The following PRTG variants were observed in gnomAD, a reference collection of about 807,000 sequenced individuals.
PRTG encodes immunoglobulin superfamily, DCC subclass, member 5.
Under a neutral mutation model 122.5 loss-of-function variants are expected in PRTG, and 67 were observed. The observed-to-expected ratio is 0.55, with a 90% CI of 0.45 to 0.67. The LOEUF (loss-of-function observed/expected upper bound fraction) is 0.67. Among genes scored for constraint, PRTG ranks in the 30% least tolerant of loss-of-function variants. The pLI is 0.00. For missense variants in PRTG, 1,435 were observed against 1,415.4 expected (o/e 1.01, Z -0.22); for synonymous variants, 554 against 501.1 (o/e 1.11, Z -1.41).
Position 55,724,601 on chromosome 15 carries a change from G to T in PRTG, c.397+15781C>A, listed in dbSNP as rs116395034. ...CCCTGTCTCTACTTAAAAAAAAAAA[G>T]TACAAAAGTTAGCCAGGTGTGGTGG... On this transcript the variant is annotated intron_variant, in intron 2 of 19. Coordinates refer to ENST00000389286, the MANE Select transcript of PRTG (RefSeq NM_173814.6). Among the ~76,000 whole-genome samples, 878 of 151,324 alleles carry T rather than the reference G, an allele frequency of 5.8e-3. 11 individuals are homozygous for T. The highest frequency in any genetic ancestry group is 0.02 in the African/African-American group (830 of 41,290).
intron 11 of PRTG, among the ~76,000 whole-genome samples, chr15:55,642,569 G>C (rs2059298060): frequency 7.4e-6 from 1 of 135,316 alleles, no homozygotes; most frequent in South Asian, 2.3e-4. Flanking sequence ...CTGCACTCCA[G>C]CCTGGGTAAC....
chr15:55,631,612 T>C (rs2059227962), intron 15 of PRTG, among the ~76,000 whole-genome samples: 1 of 152,338 alleles, frequency 6.6e-6, no homozygotes, highest in Non-Finnish European at 1.5e-5. Flanking sequence ...TTAGTGTGAT[T>C]ATTTCCGTCT....
At chr15:55,703,892 ATC>A (rs1293488078) in intron 2 of PRTG, among the ~76,000 whole-genome samples, 4 of 152,228 alleles carry the variant, frequency 2.6e-5, no homozygotes, top group Non-Finnish European at 5.9e-5. Flanking sequence ...TTCTCAAATT[ATC>A]TGTCTTCCCA....
At chr15:55,717,510 A>C (rs2030643519) in intron 2 of PRTG, among the ~76,000 whole-genome samples, 1 of 152,200 alleles carries the variant, frequency 6.6e-6, no homozygotes, top group Non-Finnish European at 1.5e-5. Flanking sequence ...CAAAGAAAGA[A>C]AGTTATGACC....
intron 9 of PRTG, among the ~76,000 whole-genome samples, 175 bp downstream of exon 9, chr15:55,675,344 G>A (rs2059496377): frequency 2.6e-5 from 4 of 152,082 alleles, no homozygotes; most frequent in Admixed American, 2.6e-4. Flanking sequence ...TTCTGAAAGT[G>A]CTCTTTATCC....
intron 11 of PRTG, among the ~76,000 whole-genome samples, chr15:55,660,915 T>G (rs747503199): frequency 6.6e-6 from 1 of 152,186 alleles, no homozygotes; most frequent in Non-Finnish European, 1.5e-5. Flanking sequence ...TTACGAAAAT[T>G]TCTTCAAAGG....
chr15:55,612,034 T>C lies in PRTG; in HGVS notation c.*7978A>G, dbSNP rs978719604. 1 of 151,648 alleles carries C rather than the reference T, an allele frequency of 6.6e-6. No individual in the cohort carries two copies. The highest frequency in any genetic ancestry group is 6.6e-5 in the Admixed American group (1 of 15,242). The allele number at this position is 151,648 out of a possible 1,614,324, so 9.4% of individuals were successfully genotyped here. ...GAAGAAAATAGAAAAAAAAAAATCA[T>C]ACACACAGACATAAAATTTTGTCCA... On this transcript the variant is annotated 3_prime_UTR_variant, in exon 20 of 20. Transcript: ENST00000389286.
intron 11 of PRTG, among the ~76,000 whole-genome samples, chr15:55,665,455 G>C (rs2059433977): frequency 6.6e-6 from 1 of 150,690 alleles, no homozygotes; most frequent in African/African-American, 2.4e-5. Context: ...CTAAATTCTA[G>C]TAATGTGGCC....
chr15:55,624,527 AG>A lies in PRTG; in HGVS notation c.2928-21del. The A allele has an allele frequency of 1.2e-6, 2 of 1,600,124 alleles. No individual in the cohort carries two copies. Among genetic ancestry groups the A allele is most frequent in the South Asian group, 2.3e-5 (2 of 87,620 alleles). ...GATTTCCTAAAACATTGGCAAGAAG[AG>A]GAAGTCTTCTAATTTCATAGAAGAT... On this transcript the variant is annotated intron_variant, in intron 17 of 19. Coordinates refer to ENST00000389286, the MANE Select transcript of PRTG (RefSeq NM_173814.6).
chr15:55,620,709 T>C lies in PRTG; in HGVS notation c.3152A>G (p.Lys1051Arg), dbSNP rs1388163547. Reference sequence around the variant, plus strand: ...TGAGTCTTGGAAAAAAAACCACTTTTTCTTAGAGTTGTTTTTAATTATAGG... The same window carrying C: ...TGAGTCTTGGAAAAAAAACCACTTTCTCTTAGAGTTGTTTTTAATTATAGG... ...YGPIIKNNSK[K>R]KWFFFQDSKK... The change falls in exon 19 of 20, where the codon AAA (lysine) becomes AGA (arginine). Residue 1051 changes from lysine (K) to arginine (R), a missense_variant. By Grantham distance (26) the Lys-to-Arg change is conservative (BLOSUM62 2). Transcript: ENST00000389286. The C allele has an allele frequency of 6.2e-7, 1 of 1,603,278 alleles. No individual in the cohort carries two copies. Among genetic ancestry groups the C allele is most frequent in the Non-Finnish European group, 8.5e-7 (1 of 1,177,636 alleles).
chr15:55,729,496 C>G (rs1473162039), intron 2 of PRTG, among the ~76,000 whole-genome samples: 5 of 151,978 alleles, frequency 3.3e-5, no homozygotes, highest in African/African-American at 9.7e-5. Flanking sequence ...TCCAGGTGCA[C>G]TGGCACACAC....
Position 55,619,873 on chromosome 15 carries a change from A to G in PRTG, c.*139T>C. 1 of 1,440,016 alleles carries G rather than the reference A, an allele frequency of 6.9e-7. No homozygotes were observed. The highest frequency in any genetic ancestry group is 1.4e-5 in the South Asian group (1 of 70,746). The allele number at this position is 1,440,016 out of a possible 1,614,324, so 89.2% of individuals were successfully genotyped here. A position where few individuals can be genotyped will look rare whatever the true frequency, so the allele number is the denominator to read the frequency against. On this transcript the variant is annotated 3_prime_UTR_variant, in exon 20 of 20. Transcript: ENST00000389286. Reference sequence around the variant, plus strand: ...TGAGCATGGCCGTCTAGATTGGAAAATCATTTTTATCAAAGCATAGCATGG... The same window carrying G: ...TGAGCATGGCCGTCTAGATTGGAAAGTCATTTTTATCAAAGCATAGCATGG...
In PRTG at chr15:55,620,049, A is replaced by G. The variant is rs761814079; in HGVS notation, c.3416T>C (p.Leu1139Pro). The G allele has an allele frequency of 6.2e-7, 1 of 1,614,202 alleles. No individual in the cohort carries two copies. The highest frequency in any genetic ancestry group is 1.1e-5 in the South Asian group (1 of 91,076). The change falls in exon 20 of 20, where the codon CTG becomes CCG. Residue 1139 changes from leucine to proline, a missense_variant. Leu to Pro is a moderately conservative substitution (Grantham distance 98, BLOSUM62 -3). Coordinates refer to ENST00000389286, the MANE Select transcript of PRTG (RefSeq NM_173814.6). ...FSHESNDEIHLSSVISTTPPN... is the reference protein window; with the variant it reads ...FSHESNDEIHPSSVISTTPPN... ...GGGTGTGGTACTTATAACTGAGGAC[A>G]GATGTATCTCATCGTTGGACTCATG...
intron 11 of PRTG, among the ~76,000 whole-genome samples, chr15:55,645,038 T>C (rs930441410): frequency 6.6e-6 from 1 of 152,188 alleles, no homozygotes; most frequent in African/African-American, 2.4e-5. Context: ...TCTCAAAATC[T>C]AGTCATAATA....
chr15:55,641,295 T>A, intron 11 of PRTG, 87 bp from the exon 12 acceptor site: 1 of 893,320 alleles, frequency 1.1e-6, no homozygotes, highest in Non-Finnish European at 1.7e-6. Flanking sequence ...GATTTTGGTT[T>A]AAAAACCTGC....
At chr15:55,626,736 C>A (rs1012507953) in intron 17 of PRTG, among the ~76,000 whole-genome samples, 2 of 151,160 alleles carry the variant, frequency 1.3e-5, no homozygotes, top group African/African-American at 4.9e-5. Context: ...CCAGCCTGGG[C>A]GACAGTGTGA....
chr15:55,742,785 G>A (rs1251474372), intron 1 of PRTG, 53 bp downstream of exon 1: 3 of 1,535,276 alleles, frequency 2.0e-6, no homozygotes, highest in Non-Finnish European at 2.6e-6. Context: ...CATCCCACTC[G>A]CGCCCGCTCC....
chr15:55,667,535 A>G (rs1451876995), intron 11 of PRTG, among the ~76,000 whole-genome samples: 1 of 152,188 alleles, frequency 6.6e-6, no homozygotes, highest in East Asian at 1.9e-4. Flanking sequence ...GCAAATTAAG[A>G]AAAAAGTCTA....
intron 2 of PRTG, among the ~76,000 whole-genome samples, chr15:55,714,721 T>A (rs755767363): frequency 6.6e-6 from 1 of 152,206 alleles, no homozygotes; most frequent in Non-Finnish European, 1.5e-5. Context: ...AAAGTAAACA[T>A]ACACAAAATA....
Sources: allele counts gnomAD v4.1 joint callset (sites outside exome capture counted in the v4.1 genomes callset), GRCh38; gene constraint gnomAD v4.1.1; transcripts MANE v1.5; gene names NCBI Gene and HGNC (gene_info 2026-07-23, HGNC 2026-07-21).